ANKRD66: variants seen among roughly 807,000 people sequenced by gnomAD.
The protein encoded by ANKRD66 is ankyrin repeat domain-containing protein 66.
In ANKRD66, 10 loss-of-function variants were observed where a neutral mutation model predicts 10.9. The observed-to-expected ratio is 0.91, with a 90% CI of 0.56 to 1.55. The LOEUF (loss-of-function observed/expected upper bound fraction) is 1.55. Ranked by LOEUF, ANKRD66 falls within the 40% of genes most tolerant of loss-of-function variation. The probability of loss-of-function intolerance (pLI) is 0.00; values close to 1 mark genes in which losing one functional copy is unlikely to be tolerated. For synonymous variants in ANKRD66, 85 were observed against 88.4 expected (o/e 0.96, Z 0.22); for missense variants, 252 against 242.9 (o/e 1.04, Z -0.25).
chr6:46,755,839 G>A (rs1766372240), intron 4 of ANKRD66, among the ~76,000 whole-genome samples: 1 of 152,112 alleles, frequency 6.6e-6, no homozygotes, highest in South Asian at 2.1e-4. Flanking sequence ...TCCTCTCAGA[G>A]TGTCTAACAT....
intron 4 of ANKRD66, among the ~76,000 whole-genome samples, chr6:46,755,005 C>T (rs989736481): frequency 6.6e-6 from 1 of 152,172 alleles, no homozygotes; most frequent in Non-Finnish European, 1.5e-5. Context: ...GACCATAGCT[C>T]TCTTCACTTT....
At chr6:46,748,952 A>G (rs1179111687) in intron 1 of ANKRD66, among the ~76,000 whole-genome samples, 2 of 152,218 alleles carry the variant, frequency 1.3e-5, no homozygotes. Flanking sequence ...CTGCATTTTA[A>G]CAAGGTCTCT....
intron 2 of ANKRD66, among the ~76,000 whole-genome samples, chr6:46,750,309 A>G (rs1447962717): frequency 2.0e-5 from 3 of 152,176 alleles, no homozygotes; most frequent in Admixed American, 1.3e-4. Context: ...TAAAACTGAG[A>G]AAACTTTTAA....
At chr6:46,752,190 G>C in intron 3 of ANKRD66, 79 bp downstream of exon 3, 1 of 1,309,700 alleles carries the variant, frequency 7.6e-7, no homozygotes, top group Non-Finnish European at 9.9e-7. Context: ...GCTATGTGGG[G>C]GAGTGGAACA....
chr6:46,750,414 G>A (rs1766245423), intron 2 of ANKRD66, among the ~76,000 whole-genome samples: 1 of 151,764 alleles, frequency 6.6e-6, no homozygotes, highest in Non-Finnish European at 1.5e-5. Context: ...CAAAACAAGT[G>A]TGACTAGTCA....
chr6:46,752,359 C>T (rs1022249086), intron 3 of ANKRD66, among the ~76,000 whole-genome samples: 22 of 152,132 alleles, frequency 1.4e-4, no homozygotes, highest in Non-Finnish European at 2.1e-4. Flanking sequence ...CTCAGCCTAC[C>T]GAGTAGCTGG....
At chr6:46,753,194 T>G (rs918175751) in intron 3 of ANKRD66, among the ~76,000 whole-genome samples, 4 of 152,186 alleles carry the variant, frequency 2.6e-5, no homozygotes, top group Admixed American at 2.6e-4. Flanking sequence ...AATTTGCAAA[T>G]GAGGAAATTG....
At chr6:46,756,082 A>T (rs1175109495) in intron 4 of ANKRD66, 1 of 452,088 alleles carries the variant, frequency 2.2e-6, no homozygotes. Flanking sequence ...TCCCCAGGGG[A>T]ATAGAATTTT....
intron 1 of ANKRD66, among the ~76,000 whole-genome samples, chr6:46,747,970 A>G (rs1766184131): frequency 6.6e-6 from 1 of 152,174 alleles, no homozygotes; most frequent in African/African-American, 2.4e-5. Context: ...TTTTGTGGCA[A>G]TTGTTGTCAA....
intron 3 of ANKRD66, among the ~76,000 whole-genome samples, chr6:46,752,767 T>C (rs975093142): frequency 9.9e-5 from 15 of 152,190 alleles, no homozygotes; most frequent in African/African-American, 3.6e-4. Context: ...GAATAGAGCA[T>C]CACAAAGAAG....
At chr6:46,758,592 GA>G in intron 4 of ANKRD66, 130 bp from the exon 5 acceptor site, 1 of 836,434 alleles carries the variant, frequency 1.2e-6, no homozygotes. Flanking sequence ...TGTATGCTTG[GA>G]AATGCTCAAA....
intron 1 of ANKRD66, among the ~76,000 whole-genome samples, chr6:46,749,531 AT>A (rs888614815): frequency 1.8e-4 from 18 of 98,618 alleles, no homozygotes; most frequent in Admixed American, 4.3e-4. Context: ...TCTTGGCATA[AT>A]TTTTTTTTCT....
chr6:46,755,102 C>CCTT (rs1429801898), intron 4 of ANKRD66, among the ~76,000 whole-genome samples: 10 of 152,190 alleles, frequency 6.6e-5, no homozygotes, highest in Non-Finnish European at 4.4e-5. Flanking sequence ...CTATCACCTT[C>CCTT]CTGAAGGTCT....
At chr6:46,747,297 G>T (rs756714745) in intron 1 of ANKRD66, among the ~76,000 whole-genome samples, 3 of 152,140 alleles carry the variant, frequency 2.0e-5, no homozygotes, top group Non-Finnish European at 4.4e-5. Flanking sequence ...TTGTAAAGCA[G>T]CTTTGTTAAA....
chr6:46,753,128 T>C (rs979553131), intron 3 of ANKRD66, among the ~76,000 whole-genome samples: 1 of 152,232 alleles, frequency 6.6e-6, no homozygotes, highest in African/African-American at 2.4e-5. Context: ...GTACTTCATG[T>C]CTGTGATTTC....
At chr6:46,755,146 T>C (rs1766358103) in intron 4 of ANKRD66, among the ~76,000 whole-genome samples, 1 of 152,178 alleles carries the variant, frequency 6.6e-6, no homozygotes, top group East Asian at 1.9e-4. Flanking sequence ...AGTACCATAA[T>C]ACACTTCATT....
At position 46,753,872 on chromosome 6, in the gene ANKRD66, C is replaced by T; in HGVS notation, c.314C>T (p.Ala105Val). ...TLHALHAAID[A>V]PDFFGDTPKR... ...CATGCATTGCACGCTGCCATCGACG[C>T]CCCTGACTTCTTTGGAGACACACCG... Residue 105 changes from alanine to valine, a missense_variant, in exon 4 of 5, where the codon GCC (alanine) becomes GTC (valine). By Grantham distance (64) the Ala-to-Val change is moderately conservative. Transcript: ENST00000565422. 2 of 1,551,714 alleles carry T rather than the reference C, an allele frequency of 1.3e-6. No individual in the cohort carries two copies. The highest frequency in any genetic ancestry group is 1.7e-6 in the Non-Finnish European group (2 of 1,146,996).
chr6:46,757,082 GCAGA>G (rs1306960942), intron 4 of ANKRD66: 2 of 152,102 alleles, frequency 1.3e-5, no homozygotes, highest in African/African-American at 2.4e-5. Flanking sequence ...AGAAAAGTAG[GCAGA>G]CAGTGTTGAG....
At chr6:46,753,429 AT>A (rs1679503058) in intron 3 of ANKRD66, among the ~76,000 whole-genome samples, 1 of 152,152 alleles carries the variant, frequency 6.6e-6, no homozygotes, top group Admixed American at 6.5e-5. Flanking sequence ...AGAAAGCAAG[AT>A]TCCTGGGCAG....
Sources: allele counts gnomAD v4.1 joint callset (sites outside exome capture counted in the v4.1 genomes callset), GRCh38; gene constraint gnomAD v4.1.1; transcripts MANE v1.5; gene names NCBI Gene and HGNC (gene_info 2026-07-23, HGNC 2026-07-21).